FHIP1A: variants seen among roughly 807,000 people sequenced by gnomAD.
FHIP1A encodes FHF complex subunit HOOK interacting protein 1A.
FHIP1A carries 61 observed loss-of-function variants against 88.6 expected under a neutral mutation model. That is an observed-to-expected ratio of 0.69 (90% confidence interval 0.56 to 0.85). FHIP1A has a LOEUF of 0.85. Ranked by LOEUF, FHIP1A falls within the 40% of genes least tolerant of loss-of-function variation. The pLI is 0.00. For synonymous variants in FHIP1A, 478 were observed against 496.0 expected (o/e 0.96, Z 0.48); for missense variants, 1,154 against 1,273.5 (o/e 0.91, Z 1.43).
chr4:151,577,390 A>T (rs1198199689), intron 4 of FHIP1A, 60 bp from the exon 5 acceptor site: 1 of 1,443,616 alleles, frequency 6.9e-7, no homozygotes, highest in Non-Finnish European at 9.2e-7. Context: ...ATCAGTGGTG[A>T]TATGTTTTTG....
chr4:151,500,565 GA>G (rs1730616489), intron 3 of FHIP1A, among the ~76,000 whole-genome samples: 1 of 151,966 alleles, frequency 6.6e-6, no homozygotes, highest in Non-Finnish European at 1.5e-5. Flanking sequence ...ATAAAGTTGG[GA>G]AAATAATAGT....
chr4:151,631,096 C>G (rs1736141002), intron 8 of FHIP1A, among the ~76,000 whole-genome samples: 1 of 151,884 alleles, frequency 6.6e-6, no homozygotes, highest in Non-Finnish European at 1.5e-5. Context: ...CTTTAACACA[C>G]TGGAAAAAGA....
intron 2 of FHIP1A, among the ~76,000 whole-genome samples, chr4:151,465,783 T>C (rs1042821764): frequency 6.6e-6 from 1 of 152,268 alleles, no homozygotes; most frequent in Middle Eastern, 3.4e-3. Flanking sequence ...CACATGATTA[T>C]CACAGTAGAT....
At chr4:151,470,751 C>A (rs1261966970) in intron 2 of FHIP1A, among the ~76,000 whole-genome samples, 2 of 152,156 alleles carry the variant, frequency 1.3e-5, no homozygotes, top group African/African-American at 4.8e-5. Flanking sequence ...CCTGACAGAT[C>A]ATGTGAAAGC....
chr4:151,645,408 A>G (rs1736754323), intron 9 of FHIP1A, among the ~76,000 whole-genome samples: 1 of 152,034 alleles, frequency 6.6e-6, no homozygotes, highest in Admixed American at 6.6e-5. Flanking sequence ...AGTTGGGAAT[A>G]TCAACTTAGG....
chr4:151,514,252 C>T (rs1731143583), intron 3 of FHIP1A, among the ~76,000 whole-genome samples: 1 of 151,972 alleles, frequency 6.6e-6, no homozygotes, highest in Non-Finnish European at 1.5e-5. Flanking sequence ...TCTTTGAAAC[C>T]AATGAGAACA....
chr4:151,616,334 G>C (rs1735515539), intron 7 of FHIP1A, among the ~76,000 whole-genome samples: 1 of 152,054 alleles, frequency 6.6e-6, no homozygotes, highest in African/African-American at 2.4e-5. Context: ...GTTTACTCCT[G>C]TGGGCAAACA....
intron 7 of FHIP1A, among the ~76,000 whole-genome samples, chr4:151,622,139 A>G (rs1735770017): frequency 1.3e-5 from 2 of 152,170 alleles, no homozygotes; most frequent in African/African-American, 4.8e-5. Context: ...TTAAAGGATG[A>G]ATATGTGTAT....
rs28461656 is a variant in FHIP1A, at chr4:151,664,588, T to G, written c.*1834T>G. Among the ~76,000 whole-genome samples the G allele has an allele frequency of 0.035, 5,293 of 152,330 alleles. 306 individuals carry two copies. Among genetic ancestry groups the G allele is most frequent in the African/African-American group, 0.12 (4,971 of 41,564 alleles). On this transcript the variant is annotated 3_prime_UTR_variant, in exon 14 of 14. Coordinates refer to ENST00000435205, the MANE Select transcript of FHIP1A (RefSeq NM_001109977.3). ...GATGAAGCACAGCAGACTGGTCTGCTTCTGGCTTCCTGATGTCTGGTTGTA... is the reference window on the plus strand; with the variant it reads ...GATGAAGCACAGCAGACTGGTCTGCGTCTGGCTTCCTGATGTCTGGTTGTA...
chr4:151,432,624 G>A (rs1733636532), intron 1 of FHIP1A, among the ~76,000 whole-genome samples: 2 of 152,196 alleles, frequency 1.3e-5, no homozygotes, highest in Non-Finnish European at 2.9e-5. Context: ...AGATGGACTT[G>A]TAACTCCAGT....
intron 7 of FHIP1A, among the ~76,000 whole-genome samples, chr4:151,600,438 GC>G (rs957179183): frequency 2.6e-5 from 4 of 152,326 alleles, no homozygotes; most frequent in Admixed American, 1.3e-4. Context: ...TTTAGTCAGG[GC>G]CCCAGAAGGA....
chr4:151,444,939 C>T (rs1057347820), intron 1 of FHIP1A, among the ~76,000 whole-genome samples: 3 of 152,160 alleles, frequency 2.0e-5, no homozygotes, highest in African/African-American at 7.2e-5. Flanking sequence ...CAGACATTGA[C>T]TACTTATCCT....
In FHIP1A at chr4:151,577,628, A is replaced by C; in HGVS notation, c.284A>C (p.Glu95Ala). 1 of 1,551,872 alleles carries C rather than the reference A, an allele frequency of 6.4e-7. No homozygotes were observed. Among genetic ancestry groups the C allele is most frequent in the Non-Finnish European group, 8.7e-7 (1 of 1,147,004 alleles). Residue 95 changes from glutamate (E) to alanine (A), a missense_variant, in exon 5 of 14, where the codon GAG becomes GCG. Transcript: ENST00000435205. ...CCGATTCTGGAATTTGTGGTCTCTGAGAACATCATGGAGAAACTTTTCCTT... is the reference window on the plus strand; with the variant it reads ...CCGATTCTGGAATTTGTGGTCTCTGCGAACATCATGGAGAAACTTTTCCTT... ...MGPILEFVVS[E>A]NIMEKLFLWS... is the part of the protein sequence containing the mutation.
intron 7 of FHIP1A, among the ~76,000 whole-genome samples, chr4:151,595,019 A>C (rs1473907900): frequency 1.3e-5 from 2 of 152,038 alleles, no homozygotes; most frequent in Non-Finnish European, 2.9e-5. Context: ...TCATGTCTCT[A>C]TGTCCTTCAG....
In FHIP1A at chr4:151,541,222, A is replaced by G. The variant is rs148530373; in HGVS notation, c.-122-24916A>G. 1.4e-3 allele frequency among the ~76,000 whole-genome samples: 218 copies of G among 152,348 alleles called. 1 individual carries two copies. The South Asian group carries it at 0.019, about 13-fold the overall frequency. On this transcript the variant is annotated intron_variant, in intron 3 of 13. Coordinates refer to ENST00000435205, the MANE Select transcript of FHIP1A (RefSeq NM_001109977.3). Reference sequence around the variant, plus strand: ...AGTACCCAGGAATATTTGTTGAATGAATGAACTGGTTTGCCAGTCTCAACA... The same window carrying G: ...AGTACCCAGGAATATTTGTTGAATGGATGAACTGGTTTGCCAGTCTCAACA...
chr4:151,663,946 T>C lies in FHIP1A; in HGVS notation c.*1192T>C, dbSNP rs1343377068. ...GCTGTATGAGCGTCCCTCTGCTGCT[T>C]TGCAGCCTGCTCCAAGAGGCAGGAT... On this transcript the variant is annotated 3_prime_UTR_variant, in exon 14 of 14. Transcript: ENST00000435205. Among the ~76,000 whole-genome samples the C allele has an allele frequency of 6.6e-6, 1 of 152,160 alleles. No individual in the cohort carries two copies. The highest frequency in any genetic ancestry group is 2.4e-5 in the African/African-American group (1 of 41,446).
intron 7 of FHIP1A, among the ~76,000 whole-genome samples, chr4:151,608,085 C>T (rs537742041): frequency 3.3e-5 from 4 of 120,220 alleles, no homozygotes; most frequent in Non-Finnish European, 5.0e-5. Flanking sequence ...CACTCTGTTC[C>T]CCAGGCTGAA....
Position 151,588,910 on chromosome 4 carries a change from C to T in FHIP1A, c.962C>T (p.Ala321Val). Reference sequence around the variant, plus strand: ...AATGGATTTTTGGTACCAGTCTTGGCTCCTGCTCTCCATAAGGTCAGTGAT... The same window carrying T: ...AATGGATTTTTGGTACCAGTCTTGGTTCCTGCTCTCCATAAGGTCAGTGAT... ...IYNGFLVPVL[A>V]PALHKVTVEE... The change falls in exon 7 of 14, where the codon GCT (alanine) becomes GTT (valine). Residue 321 changes from alanine to valine, a missense_variant. Coordinates refer to ENST00000435205, the MANE Select transcript of FHIP1A (RefSeq NM_001109977.3). The T allele has an allele frequency of 1.9e-6, 3 of 1,547,990 alleles. No individual in the cohort carries two copies. The highest frequency in any genetic ancestry group is 2.6e-6 in the Non-Finnish European group (3 of 1,143,636).
intron 2 of FHIP1A, among the ~76,000 whole-genome samples, chr4:151,471,307 A>T (rs1435226724): frequency 7.3e-6 from 1 of 137,078 alleles, no homozygotes. Flanking sequence ...TTTAAACTTT[A>T]GCGTATTTTT....
Sources: gnomAD v4.1 joint callset for allele counts (sites outside exome capture counted in the v4.1 genomes callset) on GRCh38, gnomAD v4.1.1 for gene constraint, MANE v1.5 for transcripts, NCBI Gene and HGNC (gene_info 2026-07-23, HGNC 2026-07-21) for gene names.